The following PDE7B variants were observed in gnomAD, a reference collection of about 807,000 sequenced individuals.
PDE7B encodes the protein phosphodiesterase 7B.
Under a neutral mutation model 56.2 loss-of-function variants are expected in PDE7B, and 29 were observed. The observed-to-expected ratio is 0.52, with a 90% CI of 0.38 to 0.70. PDE7B has a LOEUF of 0.70. Ranked by LOEUF, PDE7B falls within the 30% of genes least tolerant of loss-of-function variation. PDE7B has a pLI of 0.00. For synonymous variants in PDE7B, 197 were observed against 196.9 expected, an observed-to-expected ratio of 1.00 and a Z score of 0.00; for missense variants, 490 against 565.0, an observed-to-expected ratio of 0.87 and a Z score of 1.35.
chr6:136,063,730 T>A (rs1776885125), intron 2 of PDE7B, among the ~76,000 whole-genome samples: 1 of 152,146 alleles, frequency 6.6e-6, no homozygotes, highest in South Asian at 2.1e-4. Context: ...CAGTTCGTGT[T>A]TCTCATATTC....
intron 2 of PDE7B, among the ~76,000 whole-genome samples, chr6:136,014,650 G>A (rs1775945459): frequency 6.6e-6 from 1 of 152,122 alleles, no homozygotes; most frequent in Non-Finnish European, 1.5e-5. Context: ...TTGCAGAGGG[G>A]GCAGCCAAAG....
intron 1 of PDE7B, among the ~76,000 whole-genome samples, chr6:135,943,370 C>T (rs769984349): frequency 9.9e-5 from 15 of 152,110 alleles, no homozygotes; most frequent in Non-Finnish European, 2.1e-4. Flanking sequence ...TCAGTCTGAT[C>T]CAAAGCCCGT....
intron 2 of PDE7B, among the ~76,000 whole-genome samples, chr6:136,082,694 T>C (rs1777225095): frequency 6.6e-6 from 1 of 152,222 alleles, no homozygotes; most frequent in Non-Finnish European, 1.5e-5. Flanking sequence ...GGAGTGTTTC[T>C]GATATTTGCC....
rs1776893993 is a variant in PDE7B, at chr6:136,064,277, T to C, written c.83-44454T>C. On this transcript the variant is annotated intron_variant, in intron 2 of 12. Transcript: ENST00000308191. ...AGAGAAGAAAAACAAGCCAAATTAC[T>C]TACGATTATTTTCTCTCTGTGCACA... 6 of 152,184 alleles carry C rather than the reference T, an allele frequency of 3.9e-5. No homozygotes were observed. In the South Asian group the frequency reaches 1.2e-3, roughly 32 times the overall value. 9.4% of individuals were successfully genotyped at this position (152,184 alleles called of 1,614,324 possible). A position where few individuals can be genotyped will look rare whatever the true frequency, so the allele number is the denominator to read the frequency against.
chr6:136,123,957 C>A (rs1447388979), intron 3 of PDE7B, among the ~76,000 whole-genome samples: 1 of 152,106 alleles, frequency 6.6e-6, no homozygotes, highest in Non-Finnish European at 1.5e-5. Context: ...ATAAGAAACA[C>A]CCACTCTCTA....
At position 135,905,792 on chromosome 6, in the gene PDE7B, C is replaced by T. The variant is rs560711441; in HGVS notation, c.22-41672C>T. 3.3e-5 allele frequency among the ~76,000 whole-genome samples: 5 copies of T among 152,230 alleles called. No individual in the cohort carries two copies. In the South Asian group the frequency reaches 1.0e-3, roughly 32 times the overall value. ...CACTACGCAAAAGCCAGCATGAATCCCAGGCCTTTTTCTGGACAGAAAGGA... is the reference window on the plus strand; with the variant it reads ...CACTACGCAAAAGCCAGCATGAATCTCAGGCCTTTTTCTGGACAGAAAGGA... On this transcript the variant is annotated intron_variant, in intron 1 of 12. Coordinates refer to ENST00000308191, the MANE Select transcript of PDE7B (RefSeq NM_018945.4).
intron 2 of PDE7B, among the ~76,000 whole-genome samples, chr6:136,076,005 A>G (rs1339714001): frequency 2.0e-5 from 3 of 152,216 alleles, no homozygotes; most frequent in Non-Finnish European, 4.4e-5. Flanking sequence ...AAAGCCTTTG[A>G]TAGAATAACA....
At chr6:136,179,216 C>A in intron 10 of PDE7B, 75 bp downstream of exon 10, 2 of 1,367,326 alleles carry the variant, frequency 1.5e-6, no homozygotes, top group Non-Finnish European at 1.0e-6. Flanking sequence ...TGGCTCACAT[C>A]TGTAGTCCCA....
intron 9 of PDE7B, among the ~76,000 whole-genome samples, chr6:136,177,707 T>C (rs1779001827): frequency 1.3e-5 from 2 of 152,186 alleles, no homozygotes; most frequent in Admixed American, 1.3e-4. Flanking sequence ...TTGAAAATAA[T>C]TGGCATTATC....
chr6:136,077,924 C>T (rs1028090190), intron 2 of PDE7B, among the ~76,000 whole-genome samples: 2 of 152,182 alleles, frequency 1.3e-5, no homozygotes, highest in Non-Finnish European at 2.9e-5. Flanking sequence ...TATGGAGTCA[C>T]CACTGCTGAT....
At chr6:136,021,362 T>C (rs1776067640) in intron 2 of PDE7B, among the ~76,000 whole-genome samples, 1 of 152,160 alleles carries the variant, frequency 6.6e-6, no homozygotes, top group Non-Finnish European at 1.5e-5. Flanking sequence ...AAATATTTCC[T>C]AGCTGGGTGC....
At chr6:136,118,101 A>G (rs1417274444) in intron 3 of PDE7B, among the ~76,000 whole-genome samples, 2 of 152,232 alleles carry the variant, frequency 1.3e-5, no homozygotes, top group African/African-American at 2.4e-5. Flanking sequence ...TAATAGGTCC[A>G]TAATAAATAC....
At chr6:135,900,414 A>G (rs1281163369) in intron 1 of PDE7B, among the ~76,000 whole-genome samples, 3 of 152,124 alleles carry the variant, frequency 2.0e-5, no homozygotes, top group Non-Finnish European at 4.4e-5. Flanking sequence ...ACATTCCTAA[A>G]GATTTCCCAG....
intron 11 of PDE7B, among the ~76,000 whole-genome samples, chr6:136,186,564 G>A (rs1201928484): frequency 6.6e-6 from 1 of 152,178 alleles, no homozygotes; most frequent in African/African-American, 2.4e-5. Context: ...ACTCAGATGA[G>A]ATCTTTCTAG....
intron 1 of PDE7B, among the ~76,000 whole-genome samples, chr6:135,932,699 G>T (rs1773399996): frequency 6.6e-6 from 1 of 152,158 alleles, no homozygotes; most frequent in Non-Finnish European, 1.5e-5. Context: ...AAGGAAGCAG[G>T]TTCAGAAAGT....
intron 2 of PDE7B, among the ~76,000 whole-genome samples, chr6:136,027,503 A>G (rs1471382454): frequency 2.0e-5 from 3 of 152,204 alleles, no homozygotes; most frequent in African/African-American, 7.2e-5. Flanking sequence ...GCTATGAACA[A>G]ATTCTATACT....
At chr6:136,086,875 T>G (rs1050249510) in intron 2 of PDE7B, among the ~76,000 whole-genome samples, 4 of 152,156 alleles carry the variant, frequency 2.6e-5, no homozygotes, top group African/African-American at 9.7e-5. Flanking sequence ...TTCGGAAGAA[T>G]ATTGAGAAGC....
At chr6:135,886,856 G>T (rs371921018) in intron 1 of PDE7B, among the ~76,000 whole-genome samples, 24 of 152,122 alleles carry the variant, frequency 1.6e-4, no homozygotes, top group Admixed American at 5.9e-4. Flanking sequence ...TTTGTATAAT[G>T]ACTTCTTTTC....
At chr6:135,921,370 C>G (rs902155523) in intron 1 of PDE7B, among the ~76,000 whole-genome samples, 1 of 152,140 alleles carries the variant, frequency 6.6e-6, no homozygotes, top group East Asian at 1.9e-4. Flanking sequence ...AAGAACCCAA[C>G]AGGCAGTTTT....
Sources: allele counts gnomAD v4.1 joint callset (sites outside exome capture counted in the v4.1 genomes callset), GRCh38; gene constraint gnomAD v4.1.1; transcripts MANE v1.5; gene names NCBI Gene and HGNC (gene_info 2026-07-23, HGNC 2026-07-21).